The following MAP3K13 variants were observed in gnomAD, a reference collection of about 807,000 sequenced individuals.
MAP3K13 encodes the protein mitogen-activated protein kinase kinase kinase 13, also known as leucine zipper-bearing kinase.
In MAP3K13, 52 loss-of-function variants were observed where a neutral mutation model predicts 104.0. The observed-to-expected ratio is 0.50, with a 90% CI of 0.40 to 0.63. The LOEUF is 0.63. Ranked by LOEUF, MAP3K13 falls within the 20% of genes least tolerant of loss-of-function variation. The probability of loss-of-function intolerance (pLI) is 0.00; values close to 1 mark genes in which losing one functional copy is unlikely to be tolerated. For missense variants in MAP3K13, 914 were observed against 1,218.5 expected (o/e 0.75, Z 3.72); for synonymous variants, 394 against 442.2 (o/e 0.89, Z 1.37).
chr3:185,393,787 CAA>C (rs961151011), intron 1 of MAP3K13, among the ~76,000 whole-genome samples: 1 of 152,092 alleles, frequency 6.6e-6, no homozygotes, highest in African/African-American at 2.4e-5. Flanking sequence ...GAAAGGCTCA[CAA>C]AAAACTGGGA....
chr3:185,453,536 C>T (rs1231120303), intron 7 of MAP3K13, among the ~76,000 whole-genome samples: 7 of 151,724 alleles, frequency 4.6e-5, no homozygotes, highest in East Asian at 3.9e-4. Context: ...TTTGGGAGGC[C>T]GAGGCGGGCA....
intron 7 of MAP3K13, among the ~76,000 whole-genome samples, chr3:185,454,999 TATATATGAGATATATATGATATATATGA>T (rs1716345646): frequency 2.4e-5 from 1 of 41,854 alleles, no homozygotes; most frequent in Non-Finnish European, 6.2e-5. Context: ...ATATATATGA[TATATATGAGATATATATGATATATATGA>T]GATATATATG....
chr3:185,288,543 T>TGTGTGC (rs1720620439), intron 2 of MAP3K13, among the ~76,000 whole-genome samples: 2 of 139,286 alleles, frequency 1.4e-5, no homozygotes, highest in Non-Finnish European at 3.3e-5. Flanking sequence ...TTTGTGTGTA[T>TGTGTGC]ATATATATTC....
chr3:185,464,302 A>C (rs550917118), intron 8 of MAP3K13, among the ~76,000 whole-genome samples: 53 of 152,262 alleles, frequency 3.5e-4, no homozygotes, highest in African/African-American at 1.2e-3. Context: ...AAAGAGAGAG[A>C]GATAAGACAT....
In MAP3K13 at chr3:185,315,339, C is replaced by CT. The variant is rs1335965285; in HGVS notation, c.-86+29698dup. Among the ~76,000 whole-genome samples the CT allele has an allele frequency of 1.3e-5, 2 of 152,028 alleles. No individual in the cohort carries two copies. The highest frequency in any genetic ancestry group is 2.9e-5 in the Non-Finnish European group (2 of 68,006). On this transcript the variant is annotated intron_variant, in intron 2 of 14. Transcript: ENST00000424227. The surrounding 1 kb of genome is among the most constrained non-coding windows in gnomAD (Gnocchi z 4.3). ...CATCAGAACCACCCTAGAGGAGTAACTTAACAAAAAGGGGAGAGAATGTAT... is the reference window on the plus strand; with the variant it reads ...CATCAGAACCACCCTAGAGGAGTAACTTTAACAAAAAGGGGAGAGAATGTAT...
chr3:185,449,787 T>G (rs1297519013), intron 5 of MAP3K13, 113 bp from the exon 6 acceptor site: 6 of 884,724 alleles, frequency 6.8e-6, no homozygotes, highest in South Asian at 5.0e-5. Context: ...TATAGCAGTA[T>G]TAGAATTTTA....
chr3:185,434,911 C>T (rs1412409650), intron 2 of MAP3K13, among the ~76,000 whole-genome samples: 3 of 152,030 alleles, frequency 2.0e-5, no homozygotes, highest in African/African-American at 7.2e-5. Flanking sequence ...ATGTTCTTGC[C>T]CCAGAGTCCA....
intron 2 of MAP3K13, among the ~76,000 whole-genome samples, chr3:185,356,527 C>A (rs185725360): frequency 3.8e-4 from 58 of 152,294 alleles, no homozygotes; most frequent in Non-Finnish European, 6.9e-4. Context: ...TATCTCTGGT[C>A]TGCTTTCCTC....
chr3:185,446,039 T>C (rs1333474756), intron 4 of MAP3K13, among the ~76,000 whole-genome samples: 1 of 152,156 alleles, frequency 6.6e-6, no homozygotes, highest in Non-Finnish European at 1.5e-5. Flanking sequence ...TTATATAAAT[T>C]TTACATATTA....
intron 1 of MAP3K13, among the ~76,000 whole-genome samples, chr3:185,399,748 T>C (rs1295763854): frequency 6.7e-6 from 1 of 150,274 alleles, no homozygotes; most frequent in East Asian, 2.0e-4. Flanking sequence ...TTGTAGTTCT[T>C]TGCCCCAGTT....
At chr3:185,399,820 T>C (rs1233703865) in intron 1 of MAP3K13, among the ~76,000 whole-genome samples, 1 of 152,036 alleles carries the variant, frequency 6.6e-6, no homozygotes, top group Non-Finnish European at 1.5e-5. Flanking sequence ...GGATAAACCC[T>C]GGCTCGTTAC....
At chr3:185,321,983 A>G (rs1268001987) in intron 2 of MAP3K13, among the ~76,000 whole-genome samples, 7 of 152,356 alleles carry the variant, frequency 4.6e-5, no homozygotes, top group African/African-American at 7.2e-5. Context: ...CTACCCAAGT[A>G]TCCCCTTACG....
At chr3:185,289,178 T>C (rs1720643581) in intron 2 of MAP3K13, among the ~76,000 whole-genome samples, 2 of 152,142 alleles carry the variant, frequency 1.3e-5, no homozygotes, top group Admixed American at 6.5e-5. Context: ...TATAGAACTA[T>C]TAATAGTTAG....
At chr3:185,355,925 C>CT (rs1723333361) in intron 2 of MAP3K13, among the ~76,000 whole-genome samples, 2 of 152,286 alleles carry the variant, frequency 1.3e-5, no homozygotes, top group South Asian at 4.1e-4. Flanking sequence ...AGGTGCTGTG[C>CT]TATACCTGTA....
intron 2 of MAP3K13, among the ~76,000 whole-genome samples, chr3:185,306,011 TGTAA>T (rs1721277803): frequency 6.6e-6 from 1 of 152,224 alleles, no homozygotes; most frequent in Admixed American, 6.5e-5. Context: ...AGCTTCCACT[TGTAA>T]GTGAGAACAT....
chr3:185,439,621 T>C (rs1577560269), intron 3 of MAP3K13, among the ~76,000 whole-genome samples: 1 of 152,170 alleles, frequency 6.6e-6, no homozygotes, highest in East Asian at 1.9e-4. Context: ...TGAATTAGGC[T>C]GTGTGTTGCA....
In MAP3K13 at chr3:185,483,430, TG is replaced by T; in HGVS notation, c.*975del. On this transcript the variant is annotated 3_prime_UTR_variant, in exon 14 of 14. Transcript: ENST00000265026. ...AGGAACAAAGGTTGGGGGGCAGTAC[TG>T]AGGAGGAGAAAAGGGTGAGAGAGGA... 1 of 231,152 alleles carries T rather than the reference TG, an allele frequency of 4.3e-6. No homozygotes were observed. The allele number at this position is 231,152 out of a possible 1,614,324, so 14.3% of individuals were successfully genotyped here.
At chr3:185,379,216 A>T in intron 1 of MAP3K13, among the ~76,000 whole-genome samples, 1 of 152,212 alleles carries the variant, frequency 6.6e-6, no homozygotes, top group East Asian at 1.9e-4. Context: ...ACGTGGGCGA[A>T]TAATCAGAGA....
At position 185,473,682 on chromosome 3, in the gene MAP3K13, G is replaced by A. The variant is rs779654616; in HGVS notation, c.2351G>A (p.Cys784Tyr). 1.2e-6 allele frequency: 2 copies of A among 1,614,194 alleles called. No homozygotes were observed. The highest frequency in any genetic ancestry group is 1.7e-6 in the Non-Finnish European group (2 of 1,180,038). ...ACGGAAGAAAATGAATTCAGCGGCT[G>A]TAGGTCTGAGTCATCCCTCGGCACC... ...EKTEENEFSG[C>Y]RSESSLGTSH... Residue 784 changes from cysteine to tyrosine, a missense_variant, in exon 11 of 14, where the codon TGT becomes TAT. Physicochemically the swap from Cys to Tyr is radical, Grantham distance 194. This residue lies in a region of MAP3K13 where 583 missense variants were observed against 737.4 expected (regional missense o/e 0.79). Transcript: ENST00000265026. The surrounding 1 kb of genome is among the most constrained non-coding windows in gnomAD (Gnocchi z 4.9).
Sources: gnomAD v4.1 joint callset for allele counts (sites outside exome capture counted in the v4.1 genomes callset) on GRCh38, gnomAD v4.1.1 for gene constraint, gnomAD v4.1.1 regional missense constraint, Gnocchi (gnomAD v3.1) non-coding constraint, MANE v1.5 for transcripts, NCBI Gene and HGNC (gene_info 2026-07-23, HGNC 2026-07-21) for gene names.